XYLB: variants seen among roughly 807,000 people sequenced by gnomAD.
XYLB encodes the protein xylulokinase, also known as xylulose kinase.
In XYLB, 62 loss-of-function variants were observed where a neutral mutation model predicts 78.7. The observed-to-expected ratio is 0.79, with a 90% confidence interval of 0.64 to 0.97. The LOEUF (loss-of-function observed/expected upper bound fraction) is 0.97, where lower values mean the gene tolerates loss of function less well. Ranked by LOEUF, XYLB falls within the 50% of genes least tolerant of loss-of-function variation. The pLI is 0.00. For synonymous variants in XYLB, 245 were observed against 247.4 expected, an observed-to-expected ratio of 0.99 and a Z score of 0.09; for missense variants, 687 against 676.8, an observed-to-expected ratio of 1.02 and a Z score of -0.17.
chr3:38,415,386 A>G (rs1331505013), downstream of XYLB, among the ~76,000 whole-genome samples: 1 of 152,240 alleles, frequency 6.6e-6, no homozygotes, highest in African/African-American at 2.4e-5. Flanking sequence ...AACTTGAGCA[A>G]AAGGACTGGA....
the XYLB span, among the ~76,000 whole-genome samples, chr3:38,442,720 ATTTTTTTTT>A: frequency 1.6e-4 from 16 of 99,196 alleles, no homozygotes; most frequent in African/African-American, 2.4e-4. Context: ...GGACTGCTGC[ATTTTTTTTT>A]TTTTTTTTTT....
chr3:38,397,818 C>G (rs1005383967), intron 17 of XYLB, among the ~76,000 whole-genome samples: 1 of 123,692 alleles, frequency 8.1e-6, no homozygotes, highest in African/African-American at 2.5e-5. Flanking sequence ...TTATATTTTT[C>G]TTTTCTTTTT....
At chr3:38,391,330 T>A (rs1182692695) in intron 15 of XYLB, among the ~76,000 whole-genome samples, 4 of 152,192 alleles carry the variant, frequency 2.6e-5, no homozygotes, top group Non-Finnish European at 5.9e-5. Context: ...CCTGCAGAGA[T>A]CATTTCTATC....
At chr3:38,415,509 A>G (rs1000039786), downstream of XYLB, among the ~76,000 whole-genome samples, 11 of 152,190 alleles carry the variant, frequency 7.2e-5, no homozygotes, top group Non-Finnish European at 1.3e-4. Flanking sequence ...CCAGCTGGGA[A>G]TGGTGGCTCA....
At chr3:38,436,982 C>T in the XYLB span, among the ~76,000 whole-genome samples, 29 of 147,542 alleles carry the variant, frequency 2.0e-4, 1 homozygote, top group South Asian at 3.9e-3. Flanking sequence ...CCAGCCTGGG[C>T]GACAGAGTGA....
At chr3:38,411,847 C>G (rs569681850) in intron 18 of XYLB, among the ~76,000 whole-genome samples, 1 of 152,182 alleles carries the variant, frequency 6.6e-6, no homozygotes, top group South Asian at 2.1e-4. Flanking sequence ...AAGTCTTCCT[C>G]AGGGCCTCCT....
chr3:38,422,551 C>T (rs568582869), downstream of XYLB, among the ~76,000 whole-genome samples: 20 of 152,226 alleles, frequency 1.3e-4, no homozygotes, highest in Non-Finnish European at 2.5e-4. Flanking sequence ...CAATTCAATC[C>T]GCTCAATTTA....
intron 2 of XYLB, chr3:38,357,092 T>C (rs1705696515): frequency 6.6e-6 from 1 of 152,252 alleles, no homozygotes; most frequent in Admixed American, 6.5e-5. Context: ...CTGAATTTGC[T>C]GGCACCTTAA....
downstream of XYLB, among the ~76,000 whole-genome samples, chr3:38,418,180 G>A (rs528781716): frequency 2.1e-4 from 28 of 133,754 alleles, no homozygotes; most frequent in Non-Finnish European, 2.5e-4. Context: ...GGGTGACAGA[G>A]CAAGACTCTG....
At chr3:38,379,518 T>G (rs912699511) in intron 15 of XYLB, among the ~76,000 whole-genome samples, 176 bp downstream of exon 15, 2 of 152,198 alleles carry the variant, frequency 1.3e-5, no homozygotes, top group Admixed American at 1.3e-4. Flanking sequence ...TTGGCACTTG[T>G]AGGCAAGCAT....
the XYLB span, among the ~76,000 whole-genome samples, chr3:38,449,066 T>C: frequency 6.6e-6 from 1 of 152,344 alleles, no homozygotes; most frequent in African/African-American, 2.4e-5. Context: ...TCTGGTTTTT[T>C]CCATACAGTT....
chr3:38,374,514 T>C lies in XYLB; in HGVS notation c.888+12T>C, dbSNP rs1386229991. ...AAGGTGACATTGCGGTAAGGCGACT[T>C]CCCACACCCATAGGCTCTTTCTGTT... On this transcript the variant is annotated intron_variant, in intron 11 of 18. Coordinates refer to ENST00000207870, the MANE Select transcript of XYLB (RefSeq NM_005108.4). The C allele has an allele frequency of 6.2e-7, 1 of 1,613,496 alleles. No homozygotes were observed. The highest frequency in any genetic ancestry group is 8.5e-7 in the Non-Finnish European group (1 of 1,179,704).
rs767292026 is a variant in XYLB at position 38,379,230 on chromosome 3, C to A, written c.1195-16C>A. 6.2e-7 allele frequency: 1 copy of A among 1,613,644 alleles called. No homozygotes were observed. The highest frequency in any genetic ancestry group is 1.3e-5 in the African/African-American group (1 of 74,890). Reference sequence around the variant, plus strand: ...TGAGAGTTCCTTACTCTGTGCCCACCTTTTCCTGGAGACAGGTTGCAGCAT... The same window carrying A: ...TGAGAGTTCCTTACTCTGTGCCCACATTTTCCTGGAGACAGGTTGCAGCAT... On this transcript the variant is annotated splice_polypyrimidine_tract_variant and intron_variant, in intron 14 of 18. Transcript: ENST00000207870.
intron 10 of XYLB, among the ~76,000 whole-genome samples, chr3:38,373,731 A>G (rs1156541583): frequency 6.6e-6 from 1 of 152,212 alleles, no homozygotes; most frequent in Non-Finnish European, 1.5e-5. Flanking sequence ...GCAGTGTTTG[A>G]GTGCACCTGT....
rs1029908563 is a variant in XYLB, at chr3:38,413,073, C to A, written c.*60C>A. On this transcript the variant is annotated 3_prime_UTR_variant, in exon 19 of 19. Transcript: ENST00000207870. ...TACTGACCCCATTTGTCGACATGGC[C>A]CCAGACAGGAGGGATCCACTTCTCT... 19 of 1,495,768 alleles carry A rather than the reference C, an allele frequency of 1.3e-5. No individual in the cohort carries two copies. Among genetic ancestry groups the A allele is most frequent in the Admixed American group, 2.2e-5 (1 of 44,906 alleles). 92.7% of individuals were successfully genotyped at this position (1,495,768 alleles called of 1,614,324 possible).
At chr3:38,349,543 AG>A (rs1705245075) in intron 2 of XYLB, among the ~76,000 whole-genome samples, 1 of 152,180 alleles carries the variant, frequency 6.6e-6, no homozygotes, top group Admixed American at 6.5e-5. Context: ...TAAAATGGAC[AG>A]GTCCTGTTAC....
chr3:38,348,622 C>A lies in XYLB; in HGVS notation c.130C>A (p.Pro44Thr), dbSNP rs1263073214. 2 of 1,614,118 alleles carry A rather than the reference C, an allele frequency of 1.2e-6. No individual in the cohort carries two copies. The highest frequency in any genetic ancestry group is 1.7e-6 in the Non-Finnish European group (2 of 1,180,024). The change falls in exon 2 of 19, where the codon CCA becomes ACA. Residue 44 changes from proline to threonine, a missense_variant. Coordinates refer to ENST00000207870, the MANE Select transcript of XYLB (RefSeq NM_005108.4). ...EESVHFDRDL[P>T]EFGTQGGVHV... is the part of the protein sequence containing the mutation. ...AAGTGTGCATTTTGACAGAGATCTTCCAGAATTTGGGTATGTACTTGATGT... is the reference window on the plus strand; with the variant it reads ...AAGTGTGCATTTTGACAGAGATCTTACAGAATTTGGGTATGTACTTGATGT...
chr3:38,372,780 G>A (rs371150880), intron 10 of XYLB, 44 bp downstream of exon 10: 172 of 1,586,182 alleles, frequency 1.1e-4, no homozygotes, highest in Non-Finnish European at 1.4e-4. Context: ...GCCTGACTGG[G>A]TCCATGCTGG....
At chr3:38,420,901 G>C (rs2125693690), downstream of XYLB, among the ~76,000 whole-genome samples, 1 of 152,294 alleles carries the variant, frequency 6.6e-6, no homozygotes, top group African/African-American at 2.4e-5. Context: ...GCAGGGCAAG[G>C]AACACCTGGC....
Sources: gnomAD v4.1 joint callset for allele counts (sites outside exome capture counted in the v4.1 genomes callset) on GRCh38, gnomAD v4.1.1 for gene constraint, MANE v1.5 for transcripts, NCBI Gene and HGNC (gene_info 2026-07-23, HGNC 2026-07-21) for gene names.